The following NCAM2 variants were observed in gnomAD, a reference collection of about 807,000 sequenced individuals.
NCAM2 encodes the protein N-CAM-2.
In NCAM2, 30 loss-of-function variants were observed where a neutral mutation model predicts 98.1. The observed-to-expected ratio is 0.31, with a 90% confidence interval of 0.23 to 0.41. NCAM2 has a LOEUF of 0.41. Among genes scored for constraint, NCAM2 ranks in the 10% least tolerant of loss-of-function variants. The pLI is 1.00. For synonymous variants in NCAM2, 368 were observed against 342.4 expected (o/e 1.07, Z -0.83); for missense variants, 867 against 1,005.8 (o/e 0.86, Z 1.87).
chr21:21,162,859 T>C (rs1251041414), intron 1 of NCAM2, among the ~76,000 whole-genome samples: 2 of 152,122 alleles, frequency 1.3e-5, no homozygotes, highest in African/African-American at 4.8e-5. Flanking sequence ...CCGTTATTGG[T>C]GAAGAAACCG....
chr21:21,042,462 G>A (rs1052365474), intron 1 of NCAM2, among the ~76,000 whole-genome samples: 1 of 152,138 alleles, frequency 6.6e-6, no homozygotes, highest in Non-Finnish European at 1.5e-5. Flanking sequence ...GGGATTACAG[G>A]TGTGAACCAC....
chr21:21,324,963 A>T (rs2074474902), intron 6 of NCAM2, among the ~76,000 whole-genome samples: 1 of 148,810 alleles, frequency 6.7e-6, no homozygotes, highest in African/African-American at 2.5e-5. Flanking sequence ...AAATTCAATG[A>T]ATTTAATGTG....
At chr21:21,090,757 C>T (rs2065995868) in intron 1 of NCAM2, among the ~76,000 whole-genome samples, 1 of 152,156 alleles carries the variant, frequency 6.6e-6, no homozygotes, top group Admixed American at 6.5e-5. Context: ...GTCCAGCCAC[C>T]CCTGCAAGCT....
intron 1 of NCAM2, among the ~76,000 whole-genome samples, chr21:21,230,906 G>C (rs555725239): frequency 5.9e-5 from 9 of 151,412 alleles, no homozygotes; most frequent in Middle Eastern, 3.4e-3. Flanking sequence ...TCTCCCTGTA[G>C]TTGTAGGTGA....
intron 1 of NCAM2, among the ~76,000 whole-genome samples, chr21:21,159,793 A>G (rs968793148): frequency 3.3e-5 from 5 of 151,936 alleles, no homozygotes; most frequent in African/African-American, 7.2e-5. Flanking sequence ...TTGTGTGTGT[A>G]TACTGTGTGC....
chr21:21,045,244 G>A (rs890257171), intron 1 of NCAM2, among the ~76,000 whole-genome samples: 6 of 152,142 alleles, frequency 3.9e-5, no homozygotes, highest in Non-Finnish European at 8.8e-5. Flanking sequence ...TCAGTCTGCT[G>A]TTAAAAGTGA....
chr21:21,087,066 A>G lies in NCAM2; in HGVS notation c.55+88448A>G, dbSNP rs2065919100. On this transcript the variant is annotated intron_variant, in intron 1 of 17. Transcript: ENST00000400546. Reference sequence around the variant, plus strand: ...TGACATGAAAGTTTATGTTAAGATTATGTGTGTGTGTGCGTGTGTGTGTGT... The same window carrying G: ...TGACATGAAAGTTTATGTTAAGATTGTGTGTGTGTGTGCGTGTGTGTGTGT... Among the ~76,000 whole-genome samples the G allele has an allele frequency of 1.3e-5, 2 of 151,606 alleles. 1 individual carries two copies. Among genetic ancestry groups the G allele is most frequent in the South Asian group, 4.2e-4 (2 of 4,792 alleles).
At chr21:21,458,637 G>A (rs891043579) in intron 12 of NCAM2, among the ~76,000 whole-genome samples, 1 of 152,162 alleles carries the variant, frequency 6.6e-6, no homozygotes, top group Non-Finnish European at 1.5e-5. Context: ...GAACCTGCCA[G>A]CTCCTTGATC....
chr21:21,406,596 AG>A (rs1214544858), intron 9 of NCAM2, among the ~76,000 whole-genome samples: 1 of 152,160 alleles, frequency 6.6e-6, no homozygotes, highest in Non-Finnish European at 1.5e-5. Context: ...GCTTTCAGAA[AG>A]GAGATCTTTT....
intron 1 of NCAM2, among the ~76,000 whole-genome samples, chr21:21,207,839 T>C (rs932181762): frequency 2.0e-5 from 3 of 152,146 alleles, no homozygotes; most frequent in African/African-American, 7.2e-5. Context: ...CACTAAATAT[T>C]ACACTTGAAT....
intron 1 of NCAM2, among the ~76,000 whole-genome samples, chr21:21,189,769 A>G (rs2068758016): frequency 6.6e-6 from 1 of 152,176 alleles, no homozygotes; most frequent in Non-Finnish European, 1.5e-5. Context: ...TCTGAAATTA[A>G]TTTCTTTGGG....
chr21:21,322,751 G>C (rs893877181), intron 5 of NCAM2, among the ~76,000 whole-genome samples: 16 of 152,090 alleles, frequency 1.1e-4, no homozygotes, highest in African/African-American at 3.9e-4. Flanking sequence ...AAATATCTGA[G>C]GGTTGAGGAA....
At chr21:21,479,608 A>AAAAAAAAAAAAAAAAAAAAAAAAAAAAT in intron 15 of NCAM2, among the ~76,000 whole-genome samples, 1 of 127,916 alleles carries the variant, frequency 7.8e-6, no homozygotes, top group Non-Finnish European at 1.8e-5. Flanking sequence ...AAAAAAAAAA[A>AAAAAAAAAAAAAAAAAAAAAAAAAAAAT]TTGTTGATGA....
chr21:21,443,598 T>A (rs1979645666), intron 12 of NCAM2, among the ~76,000 whole-genome samples: 1 of 152,152 alleles, frequency 6.6e-6, no homozygotes, highest in South Asian at 2.1e-4. Context: ...ATTTTTCAAA[T>A]GCTGTAGCAT....
In NCAM2 at chr21:21,008,188, A is replaced by G. The variant is rs180944569; in HGVS notation, c.55+9570A>G. Among the ~76,000 whole-genome samples, 9 of 152,100 alleles carry G rather than the reference A, an allele frequency of 5.9e-5. No individual in the cohort carries two copies. In the East Asian group the frequency reaches 1.8e-3, roughly 30 times the overall value. On this transcript the variant is annotated intron_variant, in intron 1 of 17. Transcript: ENST00000400546. ...TTGATTAAAAAAATTACTTACTTAG[A>G]TAAATCACTTATAACTTTCTGATAC...
chr21:21,103,832 G>T (rs1262432939), intron 1 of NCAM2, among the ~76,000 whole-genome samples: 1 of 152,034 alleles, frequency 6.6e-6, no homozygotes, highest in Non-Finnish European at 1.5e-5. Context: ...GTTTTTGTGT[G>T]TTAATGACTT....
intron 5 of NCAM2, among the ~76,000 whole-genome samples, chr21:21,307,493 A>C (rs951657913): frequency 6.6e-6 from 1 of 152,190 alleles, no homozygotes. Flanking sequence ...TCAGAAGTCC[A>C]CATAGGCTCT....
At chr21:21,106,327 A>AAAAAAAAAAAAAAAAAAAAAAAC (rs2066348190) in intron 1 of NCAM2, among the ~76,000 whole-genome samples, 1 of 151,090 alleles carries the variant, frequency 6.6e-6, no homozygotes, top group Non-Finnish European at 1.5e-5. Flanking sequence ...AAAAAAAAAA[A>AAAAAAAAAAAAAAAAAAAAAAAC]AAGGAACAGC....
intron 1 of NCAM2, among the ~76,000 whole-genome samples, chr21:21,100,115 T>A (rs572470503): frequency 4.6e-5 from 7 of 152,044 alleles, no homozygotes; most frequent in African/African-American, 1.7e-4. Flanking sequence ...AGTTTTCAAG[T>A]CTAAAATTGA....
Sources: gnomAD v4.1 joint callset for allele counts (sites outside exome capture counted in the v4.1 genomes callset) on GRCh38, gnomAD v4.1.1 for gene constraint, MANE v1.5 for transcripts, NCBI Gene and HGNC (gene_info 2026-07-23, HGNC 2026-07-21) for gene names.